CSRNP3: variants seen among roughly 807,000 people sequenced by gnomAD.
CSRNP3 encodes cysteine and serine rich nuclear protein 3.
CSRNP3 carries 12 observed loss-of-function variants against 48.0 expected under a neutral mutation model. The ratio of observed to expected loss-of-function variants is 0.25; its 90% confidence interval spans 0.16 to 0.41. The LOEUF is 0.41. Ranked by LOEUF, CSRNP3 falls within the 10% of genes least tolerant of loss-of-function variation. The pLI, the probability that CSRNP3 is intolerant of heterozygous loss-of-function variation, is 1.00. For missense variants in CSRNP3, 580 were observed against 724.4 expected (o/e 0.80, Z 2.29); for synonymous variants, 263 against 269.7 (o/e 0.98, Z 0.24).
rs530118403 is a variant in CSRNP3, at chr2:165,669,281, TTTTTG to T, written c.409-7026_409-7022del. ...TAAGTGCTAAAAAGAAGTGTTTTTA[TTTTTG>T]TTTTTTGTTTTATTTTGTTTTGCCC... On this transcript the variant is annotated intron_variant, in intron 5 of 6. Coordinates refer to ENST00000651982, the MANE Select transcript of CSRNP3 (RefSeq NM_001172173.2). Among the ~76,000 whole-genome samples, 946 of 152,336 alleles carry T rather than the reference TTTTTG, an allele frequency of 6.2e-3. 9 individuals are homozygous for T. Among genetic ancestry groups the T allele is most frequent in the Non-Finnish European group, 6.2e-3 (420 of 68,032 alleles).
chr2:165,576,855 T>G (rs1391576749), intron 3 of CSRNP3, among the ~76,000 whole-genome samples: 1 of 152,056 alleles, frequency 6.6e-6, no homozygotes. Context: ...ATGTACTTAG[T>G]CTACTTAAAG....
chr2:165,552,721 G>A (rs1399121921), intron 3 of CSRNP3, among the ~76,000 whole-genome samples: 1 of 150,140 alleles, frequency 6.7e-6, no homozygotes, highest in Admixed American at 6.6e-5. Context: ...TTTTTTTTGA[G>A]ATGGAGTCTC....
chr2:165,651,392 A>G (rs775611672), intron 4 of CSRNP3, among the ~76,000 whole-genome samples: 13 of 152,224 alleles, frequency 8.5e-5, no homozygotes, highest in Non-Finnish European at 1.8e-4. Context: ...GCCTAGTGTG[A>G]ATCAGCTGTG....
chr2:165,662,450 A>G (rs1200260425), intron 5 of CSRNP3, among the ~76,000 whole-genome samples: 1 of 152,196 alleles, frequency 6.6e-6, no homozygotes, highest in Non-Finnish European at 1.5e-5. Context: ...TTAGATTTCT[A>G]AATTACAGAG....
Position 165,657,749 on chromosome 2 carries a change from T to A in CSRNP3, c.149-12T>A. 6.2e-7 allele frequency: 1 copy of A among 1,611,702 alleles called. No homozygotes were observed. Among genetic ancestry groups the A allele is most frequent in the Non-Finnish European group, 8.5e-7 (1 of 1,177,964 alleles). ...CCCCAAGTGTTCACAGGATTGTTTC[T>A]TTCTCTTTCAGCTTCCTCCATTCTC... On this transcript the variant is annotated splice_polypyrimidine_tract_variant and intron_variant, in intron 4 of 6. Transcript: ENST00000651982.
intron 2 of CSRNP3, among the ~76,000 whole-genome samples, chr2:165,503,285 A>G (rs1684381764): frequency 6.6e-6 from 1 of 151,808 alleles, no homozygotes; most frequent in Non-Finnish European, 1.5e-5. Context: ...TTTAGAGATA[A>G]TTTTCCTGTT....
rs1232073131 is a variant in CSRNP3, at chr2:165,676,315, A to G, written c.412A>G (p.Thr138Ala). Residue 138 changes from threonine to alanine, a missense_variant, in exon 6 of 7, where the codon ACT (threonine) becomes GCT (alanine). Transcript: ENST00000651982. ...EKLNSLKLKM[T>A]KNGTVESEEA... is the part of the protein sequence containing the mutation. ...ATTTGCTGCTTTGTGTTTTTAGATGACTAAGAATGGCACAGTAGAATCAGA... is the reference window on the plus strand; with the variant it reads ...ATTTGCTGCTTTGTGTTTTTAGATGGCTAAGAATGGCACAGTAGAATCAGA... 1.2e-6 allele frequency: 2 copies of G among 1,611,814 alleles called. No individual in the cohort carries two copies. Among genetic ancestry groups the G allele is most frequent in the South Asian group, 2.2e-5 (2 of 90,962 alleles).
intron 2 of CSRNP3, among the ~76,000 whole-genome samples, chr2:165,502,710 C>G (rs1684373700): frequency 6.6e-6 from 1 of 151,720 alleles, no homozygotes. Flanking sequence ...CTGTCTAAAT[C>G]TCTCTCTCTC....
chr2:165,662,864 T>A (rs1687119565), intron 5 of CSRNP3, among the ~76,000 whole-genome samples: 1 of 152,230 alleles, frequency 6.6e-6, no homozygotes, highest in South Asian at 2.1e-4. Context: ...AATTATGTAC[T>A]TTTCTCAAGT....
intron 3 of CSRNP3, among the ~76,000 whole-genome samples, chr2:165,519,261 G>A (rs1329022420): frequency 6.8e-6 from 1 of 147,604 alleles, no homozygotes; most frequent in Non-Finnish European, 1.5e-5. Flanking sequence ...AGCAAAGGTG[G>A]CATTGCCTAC....
chr2:165,620,192 C>T (rs564516570), intron 4 of CSRNP3, among the ~76,000 whole-genome samples: 55 of 151,982 alleles, frequency 3.6e-4, no homozygotes, highest in Non-Finnish European at 7.4e-4. Context: ...TGATATATAG[C>T]CAGAGCTTAT....
chr2:165,549,071 A>G (rs1363424394), intron 3 of CSRNP3, among the ~76,000 whole-genome samples: 2 of 150,042 alleles, frequency 1.3e-5, no homozygotes, highest in Non-Finnish European at 3.0e-5. Context: ...CTGCTTTTGA[A>G]TTCTTGAATG....
intron 1 of CSRNP3, among the ~76,000 whole-genome samples, chr2:165,471,003 T>A (rs1005013795): frequency 6.6e-6 from 1 of 151,852 alleles, no homozygotes; most frequent in Non-Finnish European, 1.5e-5. Context: ...CAAATTTTTT[T>A]ATTTATTGTA....
intron 4 of CSRNP3, among the ~76,000 whole-genome samples, chr2:165,607,303 A>G (rs1204480339): frequency 6.6e-6 from 1 of 152,180 alleles, no homozygotes; most frequent in Non-Finnish European, 1.5e-5. Context: ...GTAGCACCAT[A>G]TTAGAAACTT....
intron 4 of CSRNP3, among the ~76,000 whole-genome samples, chr2:165,643,212 T>G (rs902413232): frequency 3.3e-5 from 5 of 152,202 alleles, no homozygotes; most frequent in African/African-American, 1.2e-4. Flanking sequence ...TGGAAAACAT[T>G]CCTCCATGTG....
chr2:165,579,921 C>CTTTT (rs147087270), intron 3 of CSRNP3, among the ~76,000 whole-genome samples: 4 of 70,550 alleles, frequency 5.7e-5, no homozygotes, highest in African/African-American at 5.8e-5. Flanking sequence ...CATGACTCTA[C>CTTTT]TTTTTTTTTT....
chr2:165,640,227 A>T (rs1200947037), intron 4 of CSRNP3, among the ~76,000 whole-genome samples: 1 of 152,236 alleles, frequency 6.6e-6, no homozygotes, highest in Non-Finnish European at 1.5e-5. Flanking sequence ...AATGTGTTAC[A>T]AATATTTATT....
chr2:165,591,604 T>C (rs1685718788), intron 3 of CSRNP3, among the ~76,000 whole-genome samples: 1 of 152,144 alleles, frequency 6.6e-6, no homozygotes, highest in South Asian at 2.1e-4. Context: ...CCTGGGAACA[T>C]GGTCCCCTGT....
intron 5 of CSRNP3, among the ~76,000 whole-genome samples, chr2:165,664,979 G>A (rs1687155235): frequency 6.6e-6 from 1 of 152,216 alleles, no homozygotes; most frequent in Non-Finnish European, 1.5e-5. Flanking sequence ...TTTAGTGCTA[G>A]ACATGGCCTG....
Sources: gnomAD v4.1 joint callset for allele counts (sites outside exome capture counted in the v4.1 genomes callset) on GRCh38, gnomAD v4.1.1 for gene constraint, MANE v1.5 for transcripts, NCBI Gene and HGNC (gene_info 2026-07-23, HGNC 2026-07-21) for gene names.